TMEM38B: variants seen among roughly 807,000 people sequenced by gnomAD.
TMEM38B encodes transmembrane protein 38B.
A neutral mutation model predicts 28.7 loss-of-function variants in TMEM38B; 24 were observed. The observed-to-expected ratio is 0.84, with a 90% confidence interval of 0.61 to 1.18. The LOEUF is 1.18. Ranked by LOEUF, TMEM38B falls within the 50% of genes most tolerant of loss-of-function variation. The probability of loss-of-function intolerance (pLI) is 0.00; values close to 1 mark genes in which losing one functional copy is unlikely to be tolerated. For synonymous variants in TMEM38B, 131 were observed against 127.7 expected (o/e 1.03, Z -0.17); for missense variants, 380 against 350.9 (o/e 1.08, Z -0.66).
chr9:105,770,515 A>T (rs1022628642), intron 5 of TMEM38B, among the ~76,000 whole-genome samples: 2 of 152,176 alleles, frequency 1.3e-5, no homozygotes, highest in Non-Finnish European at 2.9e-5. Flanking sequence ...TATATACCAG[A>T]AATGAACAGT....
intron 2 of TMEM38B, among the ~76,000 whole-genome samples, chr9:105,716,611 G>C (rs1453912373): frequency 6.6e-6 from 1 of 151,732 alleles, no homozygotes; most frequent in African/African-American, 2.4e-5. Context: ...GTTGACCCTT[G>C]AACAACATGA....
At chr9:105,754,799 C>T (rs1837776244) in intron 5 of TMEM38B, among the ~76,000 whole-genome samples, 1 of 152,066 alleles carries the variant, frequency 6.6e-6, no homozygotes, top group Non-Finnish European at 1.5e-5. Flanking sequence ...GAGATGGAGA[C>T]ACAAAAAGCC....
At chr9:105,743,930 A>G (rs1306381584) in intron 4 of TMEM38B, among the ~76,000 whole-genome samples, 5 of 152,362 alleles carry the variant, frequency 3.3e-5, no homozygotes, top group African/African-American at 1.2e-4. Flanking sequence ...AATATTGTGT[A>G]TAGAAATGTA....
Position 105,721,667 on chromosome 9 carries a change from A to T in TMEM38B, c.400A>T (p.Asn134Tyr). 1 of 1,613,526 alleles carries T rather than the reference A, an allele frequency of 6.2e-7. No homozygotes were observed. The highest frequency in any genetic ancestry group is 8.5e-7 in the Non-Finnish European group (1 of 1,179,666). ...AATAGTAGGTGGAGTCACACATGCT[A>T]ATAGCTATTACAAAAATGGCTGGAT... ...WKIVGGVTHA[N>Y]SYYKNGWIVM... Residue 134 changes from asparagine to tyrosine, a missense_variant, in exon 3 of 6, where the codon AAT (asparagine) becomes TAT (tyrosine). By Grantham distance (143) the Asn-to-Tyr change is moderately radical. Transcript: ENST00000374692.
In TMEM38B at chr9:105,705,730, C is replaced by T; in HGVS notation, c.246C>T (p.Asn82=). 1.2e-6 allele frequency: 2 copies of T among 1,613,542 alleles called. No individual in the cohort carries two copies. The highest frequency in any genetic ancestry group is 1.7e-6 in the Non-Finnish European group (2 of 1,179,960). Residue 82 remains asparagine (N), a synonymous_variant, in exon 2 of 6, where the codon AAC becomes AAT. Coordinates refer to ENST00000374692, the MANE Select transcript of TMEM38B (RefSeq NM_018112.3). ...PPLKFLANHT[N]ILLASSIWYI... ...TGAAGTTTCTTGCAAACCACACTAA[C>T]ATATTACTGGCATCTTCAATCTGGT...
intron 4 of TMEM38B, among the ~76,000 whole-genome samples, chr9:105,745,115 G>A (rs1219772458): frequency 3.3e-5 from 5 of 152,244 alleles, no homozygotes; most frequent in African/African-American, 7.2e-5. Context: ...TAATGGGATC[G>A]CTGGGTCAAA....
chr9:105,753,650 A>G (rs1837734353), intron 5 of TMEM38B, among the ~76,000 whole-genome samples: 1 of 152,210 alleles, frequency 6.6e-6, no homozygotes, highest in Non-Finnish European at 1.5e-5. Context: ...CTGCTTTGCA[A>G]GAGCTCCTGA....
intron 5 of TMEM38B, among the ~76,000 whole-genome samples, chr9:105,771,199 CT>C (rs1248363969): frequency 2.6e-5 from 4 of 152,038 alleles, no homozygotes; most frequent in Non-Finnish European, 5.9e-5. Context: ...TATACTTTTT[CT>C]TTTAATAGTT....
At chr9:105,697,570 C>T (rs1264481476) in intron 1 of TMEM38B, among the ~76,000 whole-genome samples, 1 of 151,882 alleles carries the variant, frequency 6.6e-6, no homozygotes, top group Non-Finnish European at 1.5e-5. Flanking sequence ...ATGTAAATTG[C>T]TTAATTTTTT....
At chr9:105,764,165 C>G (rs2133644478) in intron 5 of TMEM38B, among the ~76,000 whole-genome samples, 1 of 151,244 alleles carries the variant, frequency 6.6e-6, no homozygotes, top group Admixed American at 6.6e-5. Flanking sequence ...CCTTTGAAAA[C>G]TGGCACAAGA....
intron 1 of TMEM38B, 115 bp downstream of exon 1, chr9:105,694,887 C>T: frequency 2.4e-6 from 2 of 820,656 alleles, no homozygotes; most frequent in East Asian, 2.7e-5. Flanking sequence ...CTAGCCCAGA[C>T]AGTTCGATGG....
intron 4 of TMEM38B, among the ~76,000 whole-genome samples, chr9:105,736,276 T>A (rs945500538): frequency 6.6e-6 from 1 of 152,138 alleles, no homozygotes; most frequent in Non-Finnish European, 1.5e-5. Context: ...ATAAGTCCCA[T>A]AGGCTTTCTT....
At chr9:105,699,680 C>T (rs1835400344) in intron 1 of TMEM38B, among the ~76,000 whole-genome samples, 1 of 152,158 alleles carries the variant, frequency 6.6e-6, no homozygotes, top group Non-Finnish European at 1.5e-5. Flanking sequence ...ACTTTTGCTT[C>T]ATAAGCAAAG....
At chr9:105,755,686 A>G (rs957764088) in intron 5 of TMEM38B, among the ~76,000 whole-genome samples, 1 of 152,242 alleles carries the variant, frequency 6.6e-6, no homozygotes, top group Non-Finnish European at 1.5e-5. Context: ...TTTCCAATTC[A>G]TTAACACAAG....
At chr9:105,708,563 C>T (rs925613945) in intron 2 of TMEM38B, among the ~76,000 whole-genome samples, 7 of 152,154 alleles carry the variant, frequency 4.6e-5, no homozygotes, top group East Asian at 3.8e-4. Flanking sequence ...GCAAAATACT[C>T]GCTTTCACTT....
At chr9:105,763,283 T>A (rs1588472189) in intron 5 of TMEM38B, among the ~76,000 whole-genome samples, 1 of 152,332 alleles carries the variant, frequency 6.6e-6, no homozygotes, top group South Asian at 2.1e-4. Flanking sequence ...TTTGTCAATT[T>A]TGGCTTTGGT....
chr9:105,720,071 T>C (rs912025350), intron 2 of TMEM38B, among the ~76,000 whole-genome samples: 2 of 152,084 alleles, frequency 1.3e-5, no homozygotes, highest in Non-Finnish European at 2.9e-5. Flanking sequence ...AAAAATCTTA[T>C]AGAACATGTA....
chr9:105,722,662 C>T lies in TMEM38B; in HGVS notation c.542+41C>T, dbSNP rs1397562834. On this transcript the variant is annotated intron_variant, in intron 4 of 5. Transcript: ENST00000374692. ...TTATACTGAGACCTAGATGTTTATC[C>T]TTAGATCTTACCAAATTCCTTTTTA... is the stretch of plus-strand genomic sequence containing the variant. 25 of 1,511,354 alleles carry T rather than the reference C, an allele frequency of 1.7e-5. 1 individual carries two copies. In the East Asian group the frequency reaches 5.7e-4, roughly 34 times the overall value. 93.6% of individuals were successfully genotyped at this position (1,511,354 alleles called of 1,614,324 possible). A position where few individuals can be genotyped will look rare whatever the true frequency, so the allele number is the denominator to read the frequency against.
chr9:105,766,944 A>G (rs529509683), intron 5 of TMEM38B, among the ~76,000 whole-genome samples: 135 of 130,696 alleles, frequency 1.0e-3, no homozygotes, highest in African/African-American at 3.5e-3. Flanking sequence ...CCTGTGTCCA[A>G]TTGTTCTCAT....
Sources: gnomAD v4.1 joint callset for allele counts (sites outside exome capture counted in the v4.1 genomes callset) on GRCh38, gnomAD v4.1.1 for gene constraint, MANE v1.5 for transcripts, NCBI Gene and HGNC (gene_info 2026-07-23, HGNC 2026-07-21) for gene names.